DLG2: variants seen among roughly 807,000 people sequenced by gnomAD.
DLG2 encodes discs large MAGUK scaffold protein 2.
DLG2 carries 45 observed loss-of-function variants against 132.5 expected under a neutral mutation model. The ratio of observed to expected loss-of-function variants is 0.34; its 90% CI spans 0.27 to 0.44. The LOEUF (loss-of-function observed/expected upper bound fraction) is 0.44. DLG2 is among the 20% of genes least tolerant of loss of function. DLG2 has a pLI of 1.00. For synonymous variants in DLG2, 424 were observed against 419.6 expected (o/e 1.01, Z -0.13); for missense variants, 1,045 against 1,196.9 (o/e 0.87, Z 1.87).
At chr11:85,324,245 AT>A (rs1014763263) in intron 3 of DLG2, among the ~76,000 whole-genome samples, 1 of 151,894 alleles carries the variant, frequency 6.6e-6, no homozygotes, top group African/African-American at 2.4e-5. Flanking sequence ...TTCTACTTGT[AT>A]TTTTTTGGTG....
At chr11:83,934,291 T>C (rs533284283) in intron 14 of DLG2, among the ~76,000 whole-genome samples, 6 of 152,354 alleles carry the variant, frequency 3.9e-5, no homozygotes, top group Admixed American at 2.0e-4. Context: ...AGACAAAACC[T>C]TGGGCCTCTA....
At chr11:83,715,619 G>A (rs1215729936) in intron 18 of DLG2, among the ~76,000 whole-genome samples, 2 of 152,066 alleles carry the variant, frequency 1.3e-5, no homozygotes, top group East Asian at 3.8e-4. Flanking sequence ...TCCCTTTCCT[G>A]CTTAAAACCA....
At chr11:85,508,379 C>A (rs924563394) in intron 3 of DLG2, among the ~76,000 whole-genome samples, 1 of 152,004 alleles carries the variant, frequency 6.6e-6, no homozygotes, top group Non-Finnish European at 1.5e-5. Flanking sequence ...CTTGCTATTC[C>A]CTCTGCCTGA....
chr11:83,731,305 T>G (rs2090965791), intron 18 of DLG2, among the ~76,000 whole-genome samples: 1 of 152,156 alleles, frequency 6.6e-6, no homozygotes, highest in Non-Finnish European at 1.5e-5. Flanking sequence ...AGCCCCTGAC[T>G]GGCCCTGGTG....
intron 16 of DLG2, among the ~76,000 whole-genome samples, chr11:83,858,074 G>T (rs962659443): frequency 6.6e-6 from 1 of 152,138 alleles, no homozygotes; most frequent in Non-Finnish European, 1.5e-5. Flanking sequence ...ACAAAGGAGG[G>T]TGGTTAAGAG....
chr11:84,180,724 A>G (rs12792995), intron 8 of DLG2, among the ~76,000 whole-genome samples: 9,700 of 152,156 alleles, frequency 0.064, 380 homozygotes, highest in African/African-American at 0.097. Context: ...GATAAAAATT[A>G]TATCTGAACC....
chr11:83,981,237 T>C (rs1435252746), intron 11 of DLG2, among the ~76,000 whole-genome samples: 1 of 152,152 alleles, frequency 6.6e-6, no homozygotes, highest in Non-Finnish European at 1.5e-5. Flanking sequence ...GCTAGATGCT[T>C]GCCTTTCATG....
intron 3 of DLG2, among the ~76,000 whole-genome samples, chr11:85,500,450 A>C (rs1240205321): frequency 6.8e-6 from 1 of 146,688 alleles, no homozygotes; most frequent in East Asian, 2.0e-4. Flanking sequence ...TAGATGACAC[A>C]TTAGTGGGTG....
chr11:84,304,009 T>C (rs1363341032), intron 7 of DLG2, among the ~76,000 whole-genome samples: 1 of 152,194 alleles, frequency 6.6e-6, no homozygotes, highest in African/African-American at 2.4e-5. Flanking sequence ...AGACAGGTCA[T>C]GCTCTAAGGA....
chr11:84,980,815 C>G (rs1011380895), intron 6 of DLG2, among the ~76,000 whole-genome samples: 8 of 152,124 alleles, frequency 5.3e-5, no homozygotes, highest in Non-Finnish European at 5.9e-5. Context: ...AATTTTTATT[C>G]TAGTTATTTG....
chr11:85,094,380 T>C (rs1194948038), intron 6 of DLG2, among the ~76,000 whole-genome samples: 1 of 152,232 alleles, frequency 6.6e-6, no homozygotes, highest in East Asian at 1.9e-4. Flanking sequence ...TGACTTTTCC[T>C]CTTTATCTAT....
chr11:84,720,260 G>T, intron 6 of DLG2: 1 of 984,700 alleles, frequency 1.0e-6, no homozygotes, highest in South Asian at 4.7e-5. Context: ...CCCGAGGGAG[G>T]CAACATGCAT....
At chr11:84,748,775 CTT>C (rs1356108449) in intron 6 of DLG2, among the ~76,000 whole-genome samples, 1 of 152,104 alleles carries the variant, frequency 6.6e-6, no homozygotes, top group Admixed American at 6.6e-5. Context: ...ATTGTTCTCT[CTT>C]TTAAAATACT....
chr11:84,444,278 TC>T (rs1259587516), intron 7 of DLG2, among the ~76,000 whole-genome samples: 2 of 152,124 alleles, frequency 1.3e-5, no homozygotes, highest in Non-Finnish European at 2.9e-5. Context: ...TGGGCTTATA[TC>T]TAGGTGATGG....
At chr11:85,478,451 A>G (rs112919585) in intron 3 of DLG2, among the ~76,000 whole-genome samples, 1,628 of 143,634 alleles carry the variant, frequency 0.011, 10 homozygotes, top group Non-Finnish European at 0.019. Context: ...ATTTATTCAT[A>G]AAAAAAATTT....
chr11:84,594,418 A>G (rs1029626514), intron 6 of DLG2, among the ~76,000 whole-genome samples: 1 of 152,210 alleles, frequency 6.6e-6, no homozygotes, highest in South Asian at 2.1e-4. Context: ...TTCCATTTGG[A>G]ATGCCAACAA....
At chr11:83,634,182 C>T (rs994586273) in intron 18 of DLG2, among the ~76,000 whole-genome samples, 9 of 151,866 alleles carry the variant, frequency 5.9e-5, no homozygotes, top group African/African-American at 2.2e-4. Flanking sequence ...ATAGCTTTGC[C>T]CACATGCCAA....
chr11:84,095,133 A>G (rs946136830), intron 10 of DLG2, among the ~76,000 whole-genome samples: 1 of 152,158 alleles, frequency 6.6e-6, no homozygotes, highest in South Asian at 2.1e-4. Context: ...AGGAGACTGC[A>G]GAAGGAAATG....
chr11:85,149,640 C>A (rs1217571839), intron 5 of DLG2, among the ~76,000 whole-genome samples: 3 of 152,050 alleles, frequency 2.0e-5, no homozygotes, highest in African/African-American at 7.2e-5. Flanking sequence ...TATAAAAAAA[C>A]AGAATCCTAA....
Sources: allele counts gnomAD v4.1 joint callset (sites outside exome capture counted in the v4.1 genomes callset), GRCh38; gene constraint gnomAD v4.1.1; transcripts MANE v1.5; gene names NCBI Gene and HGNC (gene_info 2026-07-23, HGNC 2026-07-21).